AFF2: variants seen among roughly 807,000 people sequenced by gnomAD.
The protein encoded by AFF2 is ALF transcription elongation factor 2, also known as AF4/FMR2 family member 2.
Under a neutral mutation model 76.9 loss-of-function variants are expected in AFF2, and 14 were observed. That is an observed-to-expected ratio of 0.18 (90% CI 0.12 to 0.28). The LOEUF is 0.28. Ranked by LOEUF, AFF2 falls within the 10% of genes least tolerant of loss-of-function variation. The probability of loss-of-function intolerance (pLI) is 1.00; values close to 1 mark genes in which losing one functional copy is unlikely to be tolerated. For missense variants in AFF2, 868 were observed against 1,001.1 expected (o/e 0.87, Z 1.79); for synonymous variants, 398 against 366.7 (o/e 1.09, Z -0.98).
intron 3 of AFF2, among the ~76,000 whole-genome samples, chrX:148,783,707 G>C (rs1485997793): frequency 9.0e-6 from 1 of 111,654 alleles, no homozygotes. Context: ...CATTGCCTTG[G>C]TCTTGAGGGG....
At chrX:148,782,894 G>C (rs115944317) in intron 3 of AFF2, among the ~76,000 whole-genome samples, 21 of 111,824 alleles carry the variant, frequency 1.9e-4, no homozygotes, top group African/African-American at 6.8e-4. Context: ...CTGAAGTCTT[G>C]TTAGAAAGGC....
At chrX:148,888,470 G>A (rs1336843683) in intron 8 of AFF2, among the ~76,000 whole-genome samples, 5 of 111,768 alleles carry the variant, frequency 4.5e-5, no homozygotes, top group African/African-American at 6.5e-5. Context: ...ATAGTGCTAC[G>A]GTGAAGATTT....
chrX:148,818,841 G>T (rs1791703682), intron 4 of AFF2, among the ~76,000 whole-genome samples: 1 of 110,878 alleles, frequency 9.0e-6, no homozygotes, highest in African/African-American at 3.3e-5. Flanking sequence ...TCCTCCAGCA[G>T]TGCTTATTTC....
rs1180777360 is a variant in AFF2, at chrX:148,580,729, A to ATG, written c.48-71254_48-71253dup. On this transcript the variant is annotated intron_variant, in intron 1 of 20. Coordinates refer to ENST00000370460, the MANE Select transcript of AFF2 (RefSeq NM_002025.4). ...GTTCATAACAGTTTTATATATATAT[A>ATG]TGTGTGTGTGTGTGTGTATATATAT... Among the ~76,000 whole-genome samples the ATG allele has an allele frequency of 1.9e-3, 123 of 63,517 alleles. 1 individual carries two copies. In the East Asian group the frequency reaches 0.072, roughly 37 times the overall value. 55.2% of individuals were successfully genotyped at this position (63,517 alleles called of 115,157 possible).
chrX:148,611,597 A>G (rs970912024), intron 1 of AFF2, among the ~76,000 whole-genome samples: 24 of 111,172 alleles, frequency 2.2e-4, no homozygotes, highest in African/African-American at 6.9e-4. Context: ...CTTCCTTAAA[A>G]TTGCTCTTTC....
chrX:148,975,431 G>A (rs1165830046), intron 16 of AFF2, among the ~76,000 whole-genome samples: 3 of 111,699 alleles, frequency 2.7e-5, no homozygotes, highest in African/African-American at 6.5e-5. Flanking sequence ...CTATGCAGCC[G>A]CACAAAATAT....
intron 1 of AFF2, among the ~76,000 whole-genome samples, chrX:148,558,412 AC>A (rs1270516330): frequency 9.0e-6 from 1 of 110,894 alleles, no homozygotes; most frequent in Non-Finnish European, 1.9e-5. Flanking sequence ...AACATGCTGC[AC>A]CTTTGAAGCC....
At chrX:148,687,040 A>G (rs782720308) in intron 3 of AFF2, among the ~76,000 whole-genome samples, 1 of 111,849 alleles carries the variant, frequency 8.9e-6, no homozygotes, top group Non-Finnish European at 1.9e-5. Context: ...AAGGATTGAT[A>G]TAGTCTCTAT....
intron 3 of AFF2, among the ~76,000 whole-genome samples, chrX:148,676,203 G>A (rs932973505): frequency 8.2e-5 from 9 of 109,366 alleles, no homozygotes; most frequent in African/African-American, 3.0e-4. Context: ...GGGACTACAG[G>A]CACCCACCAC....
chrX:148,502,984 C>T (rs1283061106), intron 1 of AFF2, among the ~76,000 whole-genome samples: 1 of 112,459 alleles, frequency 8.9e-6, no homozygotes, highest in Non-Finnish European at 1.9e-5. Context: ...AAGGAAAATG[C>T]AAAACCTTTT....
In AFF2 at chrX:148,955,764, G is replaced by C; in HGVS notation, c.1719G>C (p.Lys573Asn). ...CAATGGAAGTCCAGATGAAAGTGAAGACGAATGCCAGTCAGGTCCCAGCTG... is the reference window on the plus strand; with the variant it reads ...CAATGGAAGTCCAGATGAAAGTGAACACGAATGCCAGTCAGGTCCCAGCTG... Reference protein sequence around the residue: ...IQPMEVQMKVKTNASQVPAEP... With the variant: ...IQPMEVQMKVNTNASQVPAEP... Residue 573 changes from lysine (K) to asparagine (N), a missense_variant, in exon 11 of 21, where the codon AAG becomes AAC. Coordinates refer to ENST00000370460, the MANE Select transcript of AFF2 (RefSeq NM_002025.4). 8.3e-7 allele frequency: 1 copy of C among 1,211,739 alleles called. No individual in the cohort carries two copies. Among genetic ancestry groups the C allele is most frequent in the Non-Finnish European group, 1.1e-6 (1 of 895,553 alleles).
chrX:148,893,930 T>A (rs1335886137), intron 8 of AFF2, among the ~76,000 whole-genome samples: 1 of 111,614 alleles, frequency 9.0e-6, no homozygotes, highest in East Asian at 2.8e-4. Context: ...GGTCCTTTCT[T>A]CACTCAAACC....
At chrX:148,957,285 T>C (rs2072053035) in intron 11 of AFF2, among the ~76,000 whole-genome samples, 1 of 111,476 alleles carries the variant, frequency 9.0e-6, no homozygotes, top group South Asian at 3.8e-4. Context: ...GCTGCCACAG[T>C]GGCTAGAAAG....
rs1228137946 is a variant in AFF2 at position 148,500,706 on chromosome X, G to GCCGC, written c.-391_-390insCGCC. Reference sequence around the variant, plus strand: ...CCGCTGCCGCCCCGGCTGCCGCGCCGCGCCGCTGCCTCTGCCCCGGCCGCC... The same window carrying GCCGC: ...CCGCTGCCGCCCCGGCTGCCGCGCCGCCGCCGCCGCTGCCTCTGCCCCGGCCGCC... On this transcript the variant is annotated 5_prime_UTR_variant, in exon 1 of 21. Coordinates refer to ENST00000370460, the MANE Select transcript of AFF2 (RefSeq NM_002025.4). 1.4e-5 allele frequency: 1 copy of GCCGC among 70,649 alleles called. No homozygotes were observed. Among genetic ancestry groups the GCCGC allele is most frequent in the Non-Finnish European group, 2.8e-5 (1 of 35,097 alleles). The allele number at this position is 70,649 out of a possible 1,213,427, so 5.8% of individuals were successfully genotyped here. A position where few individuals can be genotyped will look rare whatever the true frequency, so the allele number is the denominator to read the frequency against.
chrX:148,750,345 T>G (rs782594954), intron 3 of AFF2, among the ~76,000 whole-genome samples: 2 of 111,532 alleles, frequency 1.8e-5, no homozygotes, highest in South Asian at 7.5e-4. Context: ...TGGTTTTATT[T>G]TCTGGGGGGA....
chrX:148,633,325 C>G (rs1198251383), intron 1 of AFF2, among the ~76,000 whole-genome samples: 3 of 111,308 alleles, frequency 2.7e-5, no homozygotes, highest in African/African-American at 9.8e-5. Flanking sequence ...AAAGAGGATT[C>G]GACACATTGG....
At chrX:148,511,379 C>T (rs1411199654) in intron 1 of AFF2, among the ~76,000 whole-genome samples, 1 of 112,093 alleles carries the variant, frequency 8.9e-6, no homozygotes, top group Non-Finnish European at 1.9e-5. Context: ...GTTGTCTCCT[C>T]TTAGCTAGAT....
At chrX:148,595,682 T>A (rs1443225704) in intron 1 of AFF2, among the ~76,000 whole-genome samples, 1 of 111,864 alleles carries the variant, frequency 8.9e-6, no homozygotes, top group Non-Finnish European at 1.9e-5. Flanking sequence ...GGCTTAGGTC[T>A]GAATAACATA....
Position 148,995,237 on chromosome X carries a change from A to G in AFF2, c.*3905A>G, listed in dbSNP as rs1001494144. ...TTCTCTTTAGTGTTAGTAGACTCCAACAACAGAAGTGGCATCTGTGTATTC... is the reference window on the plus strand; with the variant it reads ...TTCTCTTTAGTGTTAGTAGACTCCAGCAACAGAAGTGGCATCTGTGTATTC... On this transcript the variant is annotated 3_prime_UTR_variant, in exon 21 of 21. Transcript: ENST00000370460. 3.6e-5 allele frequency: 4 copies of G among 110,713 alleles called. No homozygotes were observed. In the Admixed American group the frequency reaches 3.9e-4, roughly 11 times the overall value. The allele number at this position is 110,713 out of a possible 1,213,427, so 9.1% of individuals were successfully genotyped here. A position where few individuals can be genotyped will look rare whatever the true frequency, so the allele number is the denominator to read the frequency against.
Sources: allele counts gnomAD v4.1 joint callset (sites outside exome capture counted in the v4.1 genomes callset), GRCh38; gene constraint gnomAD v4.1.1; transcripts MANE v1.5; gene names NCBI Gene and HGNC (gene_info 2026-07-23, HGNC 2026-07-21).